The following AFF1 variants were observed in gnomAD, a reference collection of about 807,000 sequenced individuals.
AFF1 encodes AF4/FMR2 family member 1.
In AFF1, 48 loss-of-function variants were observed where a neutral mutation model predicts 121.7. The observed-to-expected ratio is 0.39, with a 90% CI of 0.31 to 0.50. The LOEUF (loss-of-function observed/expected upper bound fraction) is 0.50, where lower values mean the gene tolerates loss of function less well. AFF1 is among the 20% of genes least tolerant of loss of function. The probability of loss-of-function intolerance (pLI) is 0.76; values close to 1 mark genes in which losing one functional copy is unlikely to be tolerated. For synonymous variants in AFF1, 613 were observed against 563.0 expected, an observed-to-expected ratio of 1.09 and a Z score of -1.26; for missense variants, 1,523 against 1,511.7, an observed-to-expected ratio of 1.01 and a Z score of -0.12.
chr4:87,127,174 C>CCG lies in AFF1; in HGVS notation c.2903+58_2903+59insGC, dbSNP rs1560657625. The CCG allele has an allele frequency of 2.8e-4, 349 of 1,251,346 alleles. 18 individuals are homozygous for CCG. The highest frequency in any genetic ancestry group is 3.5e-4 in the Non-Finnish European group (313 of 883,102). 77.5% of individuals were successfully genotyped at this position (1,251,346 alleles called of 1,614,324 possible). The stretch of plus-strand genomic sequence containing the variant: ...TTTTGTTTTGTTTTGCTTCCCCCCC[C>CCG]CACCAAGATAGAGTCTCACTCTGTC... On this transcript the variant is annotated intron_variant, in intron 15 of 20. Coordinates refer to ENST00000395146, the MANE Select transcript of AFF1 (RefSeq NM_001166693.3).
rs535312757 is a variant in AFF1, at chr4:87,138,629, C to T, written c.*2928C>T. 4.4e-6 allele frequency: 1 copy of T among 227,008 alleles called. No homozygotes were observed. The highest frequency in any genetic ancestry group is 1.9e-4 in the South Asian group (1 of 5,262). The allele number at this position is 227,008 out of a possible 1,614,324, so 14.1% of individuals were successfully genotyped here. A position where few individuals can be genotyped will look rare whatever the true frequency, so the allele number is the denominator to read the frequency against. On this transcript the variant is annotated 3_prime_UTR_variant, in exon 21 of 21. Coordinates refer to ENST00000395146, the MANE Select transcript of AFF1 (RefSeq NM_001166693.3). ...AGAGCCCTGCTAAATAATGAAAAAACACTTTACTAAAATTTATCAAATTAT... is the reference window on the plus strand; with the variant it reads ...AGAGCCCTGCTAAATAATGAAAAAATACTTTACTAAAATTTATCAAATTAT...
chr4:86,992,819 T>C (rs552897016), intron 2 of AFF1, among the ~76,000 whole-genome samples: 30 of 152,352 alleles, frequency 2.0e-4, no homozygotes, highest in Non-Finnish European at 4.1e-4. Flanking sequence ...CAATAACATA[T>C]AAATCCTTGA....
intron 2 of AFF1, among the ~76,000 whole-genome samples, chr4:87,007,764 A>G (rs1475438096): frequency 6.6e-6 from 1 of 151,824 alleles, no homozygotes; most frequent in African/African-American, 2.4e-5. Context: ...TTGTGCGCCT[A>G]CCCCTCGGTT....
chr4:86,983,756 C>T (rs1370909733), intron 2 of AFF1, among the ~76,000 whole-genome samples: 12 of 148,106 alleles, frequency 8.1e-5, no homozygotes, highest in African/African-American at 2.5e-4. Flanking sequence ...AATACTTTGT[C>T]GCCAGGCGCA....
rs544133790 is a variant in AFF1 at position 87,038,547 on chromosome 4, G to A, written c.39-7619G>A. Among the ~76,000 whole-genome samples the A allele has an allele frequency of 6.6e-5, 10 of 152,322 alleles. No individual in the cohort carries two copies. In the South Asian group the frequency reaches 1.9e-3, roughly 28 times the overall value. ...GATGGACTTAGAAAGTTGAGATGTG[G>A]CTTTTAAAATGAAAAAGTCACTTAC... On this transcript the variant is annotated intron_variant, in intron 2 of 20. Transcript: ENST00000395146.
chr4:87,081,655 C>G (rs1399636805), intron 4 of AFF1, among the ~76,000 whole-genome samples: 2 of 152,078 alleles, frequency 1.3e-5, no homozygotes, highest in East Asian at 3.9e-4. Flanking sequence ...TTGTGGAGAT[C>G]CCTAAATATG....
intron 2 of AFF1, among the ~76,000 whole-genome samples, chr4:87,034,995 A>G (rs1183520129): frequency 6.6e-6 from 1 of 152,242 alleles, no homozygotes; most frequent in East Asian, 1.9e-4. Flanking sequence ...GGAGAAGCTC[A>G]CAGTCTAATA....
At chr4:87,090,645 T>C (rs1724205919) in intron 6 of AFF1, among the ~76,000 whole-genome samples, 1 of 152,188 alleles carries the variant, frequency 6.6e-6, no homozygotes, top group Non-Finnish European at 1.5e-5. Flanking sequence ...CTGATATGCA[T>C]GTTCATTGTT....
rs1578338746 is a variant in AFF1 at position 87,139,233 on chromosome 4, G to A, written c.*3532G>A. 1 of 232,494 alleles carries A rather than the reference G, an allele frequency of 4.3e-6. No homozygotes were observed. The highest frequency in any genetic ancestry group is 2.2e-5 in the African/African-American group (1 of 45,280). The allele number at this position is 232,494 out of a possible 1,614,324, so 14.4% of individuals were successfully genotyped here. A position where few individuals can be genotyped will look rare whatever the true frequency, so the allele number is the denominator to read the frequency against. The stretch of plus-strand genomic sequence containing the variant: ...GTGTTTGTTTCGCCATGGCTTCAGG[G>A]ATGCTACATGGCTCTTGCACCTTTT... On this transcript the variant is annotated 3_prime_UTR_variant, in exon 21 of 21. Transcript: ENST00000395146.
intron 2 of AFF1, among the ~76,000 whole-genome samples, chr4:86,998,117 A>AC (rs1356010904): frequency 1.6e-4 from 20 of 126,064 alleles, no homozygotes; most frequent in Non-Finnish European, 2.6e-4. Context: ...AAAAAAAAAA[A>AC]AAAAAAAAAA....
chr4:87,088,998 G>A (rs541498248), intron 5 of AFF1, among the ~76,000 whole-genome samples: 1 of 152,050 alleles, frequency 6.6e-6, no homozygotes, highest in African/African-American at 2.4e-5. Flanking sequence ...ACCTGCCTTG[G>A]CCTCCAAAAG....
At chr4:87,077,296 T>C (rs1722760420) in intron 4 of AFF1, among the ~76,000 whole-genome samples, 1 of 50,382 alleles carries the variant, frequency 2.0e-5, no homozygotes, top group African/African-American at 1.2e-4. Flanking sequence ...TGTTTTGTTT[T>C]GTTTTTTTTA....
intron 1 of AFF1, among the ~76,000 whole-genome samples, chr4:86,945,969 CAA>C (rs1446407009): frequency 6.6e-6 from 1 of 152,082 alleles, no homozygotes; most frequent in Non-Finnish European, 1.5e-5. Flanking sequence ...AAGCATTAAA[CAA>C]AAAATTGGCT....
chr4:87,082,922 T>C (rs1322088533), intron 4 of AFF1, among the ~76,000 whole-genome samples: 1 of 152,208 alleles, frequency 6.6e-6, no homozygotes, highest in African/African-American at 2.4e-5. Flanking sequence ...AAAGAACCCC[T>C]TGCCATCTGT....
At chr4:87,070,468 T>C (rs1319319269) in intron 4 of AFF1, among the ~76,000 whole-genome samples, 2 of 152,248 alleles carry the variant, frequency 1.3e-5, no homozygotes, top group Non-Finnish European at 1.5e-5. Context: ...TGGACTTGAA[T>C]TTCTGGATCA....
chr4:87,114,803 G>A lies in AFF1; in HGVS notation c.1970G>A (p.Arg657Gln), dbSNP rs770342922. ...KDKPKVKTKG[R>Q]PRAAASNEPK... Reference sequence around the variant, plus strand: ...AAGCCCAAGGTGAAGACGAAAGGACGGCCCCGGGCCGCAGCAAGCAACGAA... The same window carrying A: ...AAGCCCAAGGTGAAGACGAAAGGACAGCCCCGGGCCGCAGCAAGCAACGAA... The change falls in exon 12 of 21, where the codon CGG becomes CAG. Residue 657 changes from arginine (R) to glutamine (Q), a missense_variant. Coordinates refer to ENST00000395146, the MANE Select transcript of AFF1 (RefSeq NM_001166693.3). 1.9e-5 allele frequency: 31 copies of A among 1,612,890 alleles called. No individual in the cohort carries two copies. The highest frequency in any genetic ancestry group is 5.4e-5 in the African/African-American group (4 of 74,720).
chr4:86,957,625 C>A (rs930483912), intron 2 of AFF1, among the ~76,000 whole-genome samples: 4 of 152,024 alleles, frequency 2.6e-5, no homozygotes, highest in Non-Finnish European at 4.4e-5. Context: ...TCACTGCAAC[C>A]TCTGCCTCTT....
chr4:87,120,067 C>A (rs1727527984), intron 12 of AFF1, among the ~76,000 whole-genome samples: 1 of 152,176 alleles, frequency 6.6e-6, no homozygotes. Context: ...CTGTTAGTTA[C>A]CCTGAGGAGA....
chr4:87,022,661 T>G (rs200488956), intron 2 of AFF1, among the ~76,000 whole-genome samples: 7 of 68,698 alleles, frequency 1.0e-4, no homozygotes, highest in African/African-American at 2.3e-4. Flanking sequence ...TGTATATATA[T>G]GTGTGTGTAT....
Sources: allele counts gnomAD v4.1 joint callset (sites outside exome capture counted in the v4.1 genomes callset), GRCh38; gene constraint gnomAD v4.1.1; transcripts MANE v1.5; gene names NCBI Gene and HGNC (gene_info 2026-07-23, HGNC 2026-07-21).